Variants in EYS observed in about 807,000 individuals in gnomAD.
The protein encoded by EYS is EGF-like photoreceptor maintenance factor, also known as protein eyes shut homolog.
Under a neutral mutation model 282.1 loss-of-function variants are expected in EYS, and 250 were observed. The observed-to-expected ratio is 0.89, with a 90% CI of 0.80 to 0.98. The LOEUF (loss-of-function observed/expected upper bound fraction) is 0.98, where lower values mean the gene tolerates loss of function less well. Among genes scored for constraint, EYS ranks in the 50% least tolerant of loss-of-function variants. EYS has a pLI of 0.00. For missense variants in EYS, 4,016 were observed against 3,709.0 expected (o/e 1.08, Z -2.15); for synonymous variants, 1,355 against 1,282.9 (o/e 1.06, Z -1.20).
At chr6:65,000,903 C>T (rs1158247960) in intron 13 of EYS, among the ~76,000 whole-genome samples, 1 of 152,224 alleles carries the variant, frequency 6.6e-6, no homozygotes, top group Non-Finnish European at 1.5e-5. Context: ...GTAATAAATA[C>T]TATTGACATG....
At chr6:63,779,938 C>T (rs1035420697) in intron 39 of EYS, among the ~76,000 whole-genome samples, 12 of 152,090 alleles carry the variant, frequency 7.9e-5, no homozygotes, top group Admixed American at 3.9e-4. Context: ...TGATGTTCCC[C>T]ACCCTGTGTC....
chr6:64,482,298 G>C (rs536696152), intron 26 of EYS, among the ~76,000 whole-genome samples: 1 of 151,716 alleles, frequency 6.6e-6, no homozygotes, highest in East Asian at 1.9e-4. Flanking sequence ...CTGGGGAGTG[G>C]ATGTTGGGGA....
intron 15 of EYS, among the ~76,000 whole-genome samples, chr6:64,942,843 A>C (rs962059904): frequency 2.0e-5 from 3 of 151,272 alleles, no homozygotes; most frequent in Admixed American, 6.6e-5. Flanking sequence ...AAAAAAAAAA[A>C]CAAAAATGAA....
At chr6:65,446,918 G>A (rs1264398156) in intron 5 of EYS, among the ~76,000 whole-genome samples, 7 of 151,656 alleles carry the variant, frequency 4.6e-5, no homozygotes, top group Middle Eastern at 3.4e-3. Flanking sequence ...CAGAAAAAAA[G>A]CCATTCTAAT....
At chr6:65,467,183 A>C (rs1023446850) in intron 5 of EYS, among the ~76,000 whole-genome samples, 1 of 152,154 alleles carries the variant, frequency 6.6e-6, no homozygotes, top group African/African-American at 2.4e-5. Context: ...AACAGATATC[A>C]GTCTGTAGTG....
intron 33 of EYS, among the ~76,000 whole-genome samples, chr6:64,002,079 T>C (rs1226251805): frequency 6.6e-6 from 1 of 152,172 alleles, no homozygotes; most frequent in Admixed American, 6.5e-5. Flanking sequence ...ATCAGCTGAT[T>C]GTCGACACCA....
chr6:63,901,673 C>A (rs1166586882), intron 35 of EYS, among the ~76,000 whole-genome samples: 2 of 152,176 alleles, frequency 1.3e-5, no homozygotes, highest in African/African-American at 4.8e-5. Flanking sequence ...TAATAGCTAA[C>A]TTCTCATTAG....
At chr6:65,048,672 C>A (rs1237361830) in intron 13 of EYS, among the ~76,000 whole-genome samples, 1 of 151,852 alleles carries the variant, frequency 6.6e-6, no homozygotes, top group African/African-American at 2.4e-5. Flanking sequence ...AATTTACAAT[C>A]TGACAGATTC....
chr6:64,613,214 T>C (rs553056036), intron 24 of EYS, among the ~76,000 whole-genome samples: 1 of 152,172 alleles, frequency 6.6e-6, no homozygotes, highest in South Asian at 2.1e-4. Flanking sequence ...TTTTGAACAA[T>C]CCCATAAAGC....
At chr6:65,338,999 T>C (rs979947114) in intron 10 of EYS, among the ~76,000 whole-genome samples, 8 of 151,220 alleles carry the variant, frequency 5.3e-5, no homozygotes, top group African/African-American at 1.9e-4. Context: ...ATCCACATTA[T>C]ATTAGTACAT....
At chr6:64,936,945 G>A (rs922987908) in intron 15 of EYS, among the ~76,000 whole-genome samples, 4 of 151,384 alleles carry the variant, frequency 2.6e-5, no homozygotes, top group Non-Finnish European at 4.4e-5. Flanking sequence ...TACAATAAGA[G>A]GGTGTGGTAT....
At chr6:65,689,293 A>G (rs12183127) in intron 1 of EYS, among the ~76,000 whole-genome samples, 34,396 of 148,978 alleles carry the variant, frequency 0.23, 5,515 homozygotes, top group African/African-American at 0.39. Context: ...CAAACACCGC[A>G]TGTTCTCACT....
At chr6:64,392,197 G>C (rs1773178350) in intron 28 of EYS, among the ~76,000 whole-genome samples, 1 of 150,236 alleles carries the variant, frequency 6.7e-6, no homozygotes, top group Non-Finnish European at 1.5e-5. Context: ...ACACCCCACT[G>C]TCAACATTAG....
intron 26 of EYS, among the ~76,000 whole-genome samples, chr6:64,461,644 C>T (rs1199752175): frequency 1.3e-5 from 2 of 152,076 alleles, no homozygotes; most frequent in African/African-American, 2.4e-5. Context: ...AGTGGTTTAA[C>T]AGAAATGCAC....
intron 24 of EYS, among the ~76,000 whole-genome samples, chr6:64,612,373 A>G (rs1399599712): frequency 1.3e-5 from 2 of 152,124 alleles, no homozygotes; most frequent in Non-Finnish European, 2.9e-5. Flanking sequence ...GCAGAATTTC[A>G]TTTACTGAGG....
chr6:65,099,065 TACA>T (rs1183261209), intron 12 of EYS, among the ~76,000 whole-genome samples: 1 of 150,562 alleles, frequency 6.6e-6, no homozygotes, highest in Non-Finnish European at 1.5e-5. Flanking sequence ...TCAAATAAAA[TACA>T]ACACCAGTAA....
At chr6:64,347,028 A>C (rs1184344940) in intron 29 of EYS, among the ~76,000 whole-genome samples, 2 of 151,428 alleles carry the variant, frequency 1.3e-5, no homozygotes, top group African/African-American at 2.4e-5. Context: ...TAATCTTTAA[A>C]AACTACTTCA....
chr6:63,941,460 C>T (rs908696340), intron 35 of EYS, among the ~76,000 whole-genome samples: 11 of 152,194 alleles, frequency 7.2e-5, no homozygotes, highest in African/African-American at 2.6e-4. Flanking sequence ...TTTCATGTGT[C>T]TGTTGGCTGC....
chr6:64,675,184 A>G (rs1374898954), intron 22 of EYS, among the ~76,000 whole-genome samples: 1 of 152,106 alleles, frequency 6.6e-6, no homozygotes, highest in Non-Finnish European at 1.5e-5. Flanking sequence ...ATTCCAAGTC[A>G]TGTATAGTAT....
Sources: gnomAD v4.1 joint callset for allele counts (sites outside exome capture counted in the v4.1 genomes callset) on GRCh38, gnomAD v4.1.1 for gene constraint, MANE v1.5 for transcripts, NCBI Gene and HGNC (gene_info 2026-07-23, HGNC 2026-07-21) for gene names.